RASGEF1C: variants seen among roughly 807,000 people sequenced by gnomAD.
RASGEF1C encodes the protein RasGEF domain family member 1C.
RASGEF1C carries 27 observed loss-of-function variants against 58.1 expected under a neutral mutation model. That is an observed-to-expected ratio of 0.46 (90% CI 0.34 to 0.64). RASGEF1C has a LOEUF of 0.64. Among genes scored for constraint, RASGEF1C ranks in the 30% least tolerant of loss-of-function variants. The probability of loss-of-function intolerance (pLI) is 0.01; values close to 1 mark genes in which losing one functional copy is unlikely to be tolerated. For missense variants in RASGEF1C, 502 were observed against 605.1 expected (o/e 0.83, Z 1.79); for synonymous variants, 243 against 246.3 (o/e 0.99, Z 0.13).
rs1298100838 is a variant in RASGEF1C at position 180,121,153 on chromosome 5, GAACA to G, written c.715-8_715-5del. The G allele has an allele frequency of 6.2e-7, 1 of 1,609,998 alleles. No homozygotes were observed. Among genetic ancestry groups the G allele is most frequent in the Non-Finnish European group, 8.5e-7 (1 of 1,176,402 alleles). On this transcript the variant is annotated splice_region_variant and splice_polypyrimidine_tract_variant and intron_variant, in intron 6 of 13. Transcript: ENST00000361132. ...TGGTCTTGTCACTGAAGCAGGGCTA[GAACA>G]AACACAGCACACGGGACCACGTTCT...
intron 10 of RASGEF1C, chr5:180,115,161 C>G (rs781129277): frequency 3.9e-4 from 125 of 317,594 alleles, no homozygotes; most frequent in Non-Finnish European, 6.7e-4. Context: ...ATTACAGGCA[C>G]CTGCTGCCAC....
rs142253528 is a variant in RASGEF1C at position 180,174,079 on chromosome 5, G to A, written c.-7+34949C>T. Among the ~76,000 whole-genome samples, 225 of 152,084 alleles carry A rather than the reference G, an allele frequency of 1.5e-3. 4 individuals carry two copies. In the East Asian group the frequency reaches 0.039, roughly 26 times the overall value. ...TCGGGGGCTCCTTCCGCCTGGAGAC[G>A]GTGGGCACCAGAGAAACACTCAGTG... On this transcript the variant is annotated intron_variant, in intron 1 of 13. Transcript: ENST00000361132.
intron 9 of RASGEF1C, 37 bp from the exon 10 acceptor site, chr5:180,118,741 C>T (rs1452407518): frequency 1.9e-6 from 3 of 1,613,976 alleles, no homozygotes; most frequent in Non-Finnish European, 2.5e-6. Context: ...GCAGTTCTGT[C>T]CAGGGGATGG....
chr5:180,134,725 A>C (rs1766438326), intron 4 of RASGEF1C, among the ~76,000 whole-genome samples: 1 of 139,638 alleles, frequency 7.2e-6, no homozygotes, highest in South Asian at 2.4e-4. Context: ...ATCCCCATCC[A>C]CCTGTCCCCA....
chr5:180,165,351 T>A (rs1464497038), intron 1 of RASGEF1C, among the ~76,000 whole-genome samples: 1 of 152,174 alleles, frequency 6.6e-6, no homozygotes, highest in Non-Finnish European at 1.5e-5. Flanking sequence ...TGGCAATGAT[T>A]TTCTTTTTTC....
intron 10 of RASGEF1C, chr5:180,115,359 T>C (rs1766048813): frequency 7.4e-6 from 3 of 407,680 alleles, no homozygotes; most frequent in South Asian, 1.8e-5. Context: ...CTGATCCCGA[T>C]GCACTTACTG....
At chr5:180,175,735 C>T (rs1413790378) in intron 1 of RASGEF1C, among the ~76,000 whole-genome samples, 1 of 152,158 alleles carries the variant, frequency 6.6e-6, no homozygotes, top group African/African-American at 2.4e-5. Context: ...CGCGGTGGCT[C>T]ACGCCTGTGA....
chr5:180,129,799 C>T (rs1430840594), intron 4 of RASGEF1C, among the ~76,000 whole-genome samples: 1 of 152,190 alleles, frequency 6.6e-6, no homozygotes. Flanking sequence ...GGGGTTGCAT[C>T]TCACTCTGAG....
intron 6 of RASGEF1C, among the ~76,000 whole-genome samples, chr5:180,122,673 A>G (rs1472110727): frequency 6.7e-6 from 1 of 149,908 alleles, no homozygotes; most frequent in Non-Finnish European, 1.5e-5. Context: ...CCCGGGAGGC[A>G]GAGGTTGCAG....
intron 1 of RASGEF1C, among the ~76,000 whole-genome samples, chr5:180,173,226 C>T (rs1201860729): frequency 2.6e-5 from 4 of 152,344 alleles, no homozygotes; most frequent in South Asian, 4.1e-4. Context: ...TCAGAAGAGC[C>T]AGCTACACAG....
In RASGEF1C at chr5:180,137,899, G is replaced by A. The variant is rs774080726; in HGVS notation, c.154C>T (p.Pro52Ser). 1.2e-6 allele frequency: 2 copies of A among 1,613,014 alleles called. No individual in the cohort carries two copies. Among genetic ancestry groups the A allele is most frequent in the Non-Finnish European group, 1.7e-6 (2 of 1,179,790 alleles). The part of the protein sequence containing the change: ...SLETLIQHLV[P>S]TADYYPEKAY... ...ACCTCGGGGTAGTAGTCGGCTGTGG[G>A]CACCAGGTGCTGGATCAGTGTTTCC... Residue 52 changes from proline to serine, a missense_variant, in exon 2 of 14, where the codon CCC (proline) becomes TCC (serine). Physicochemically the swap from Pro to Ser is moderately conservative, Grantham distance 74. Transcript: ENST00000361132. The surrounding 1 kb of genome is among the most constrained non-coding windows in gnomAD (Gnocchi z 4.1).
Position 180,177,426 on chromosome 5 carries a change from T to C in RASGEF1C, c.-7+31602A>G, listed in dbSNP as rs1003346770. On this transcript the variant is annotated intron_variant, in intron 1 of 13. Coordinates refer to ENST00000361132, the MANE Select transcript of RASGEF1C (RefSeq NM_175062.4). The surrounding 1 kb of genome is among the most constrained non-coding windows in gnomAD (Gnocchi z 5.0). ...CTCTTCGGTGAGTGCCTGCGCAATC[T>C]GCCCGGCTGGGCCGCAGCAGTCCAC... Among the ~76,000 whole-genome samples, 1 of 152,220 alleles carries C rather than the reference T, an allele frequency of 6.6e-6. No individual in the cohort carries two copies. The highest frequency in any genetic ancestry group is 2.4e-5 in the African/African-American group (1 of 41,464).
intron 1 of RASGEF1C, among the ~76,000 whole-genome samples, chr5:180,192,956 G>A (rs1756192987): frequency 6.6e-6 from 1 of 151,850 alleles, no homozygotes; most frequent in South Asian, 2.1e-4. Context: ...ATGTCGGCCA[G>A]GCTGGTCTTG....
At chr5:180,184,500 C>T (rs913981564) in intron 1 of RASGEF1C, among the ~76,000 whole-genome samples, 1 of 152,052 alleles carries the variant, frequency 6.6e-6, no homozygotes, top group African/African-American at 2.4e-5. Context: ...TCGCTTGAAC[C>T]CGGGAGGTGG....
In RASGEF1C at chr5:180,190,489, C is replaced by CA. The variant is rs869186264; in HGVS notation, c.-7+18538dup. 2.7e-4 allele frequency among the ~76,000 whole-genome samples: 21 copies of CA among 77,574 alleles called. 1 individual carries two copies. In the East Asian group the frequency reaches 2.9e-3, roughly 11 times the overall value. The allele number at this position is 77,574 out of a possible 152,430, so 50.9% of individuals were successfully genotyped here. A position where few individuals can be genotyped will look rare whatever the true frequency, so the allele number is the denominator to read the frequency against. On this transcript the variant is annotated intron_variant, in intron 1 of 13. Transcript: ENST00000361132. ...TGGGTGACAGAGTGAGACTCCGTCTCAAAAAAAAAAAAAAAAAAATAATAA... is the reference window on the plus strand; with the variant it reads ...TGGGTGACAGAGTGAGACTCCGTCTCAAAAAAAAAAAAAAAAAAAATAATAA...
At chr5:180,159,848 C>T (rs1766909366) in intron 1 of RASGEF1C, among the ~76,000 whole-genome samples, 1 of 152,244 alleles carries the variant, frequency 6.6e-6, no homozygotes, top group Non-Finnish European at 1.5e-5. Flanking sequence ...GCCAAGTGTT[C>T]AGCCAGCCCT....
intron 12 of RASGEF1C, among the ~76,000 whole-genome samples, chr5:180,105,552 ACT>A (rs1280533000): frequency 7.3e-6 from 1 of 137,730 alleles, no homozygotes; most frequent in African/African-American, 2.8e-5. Context: ...ACAGAGCAAG[ACT>A]CTGTCTCAAA....
In RASGEF1C at chr5:180,209,153, G is replaced by A. The variant is rs1756556793; in HGVS notation, c.-132C>T. 6.9e-6 allele frequency: 1 copy of A among 144,870 alleles called. No individual in the cohort carries two copies. Among genetic ancestry groups the A allele is most frequent in the African/African-American group, 2.5e-5 (1 of 39,792 alleles). 9.0% of individuals were successfully genotyped at this position (144,870 alleles called of 1,614,324 possible). ...GCCGCCGCCGCCGCCGCCGCCGCCC[G>A]ACCGCCCGGCTCCCAGCGCAGCCCG... is the stretch of plus-strand genomic sequence containing the variant. On this transcript the variant is annotated 5_prime_UTR_variant, in exon 1 of 14. Coordinates refer to ENST00000361132, the MANE Select transcript of RASGEF1C (RefSeq NM_175062.4).
At chr5:180,127,926 G>A (rs1395328301) in intron 5 of RASGEF1C, among the ~76,000 whole-genome samples, 1 of 152,234 alleles carries the variant, frequency 6.6e-6, no homozygotes, top group Non-Finnish European at 1.5e-5. Flanking sequence ...GAGGCGTGAC[G>A]CCCAGGGAAG....
Sources: gnomAD v4.1 joint callset for allele counts (sites outside exome capture counted in the v4.1 genomes callset) on GRCh38, gnomAD v4.1.1 for gene constraint, Gnocchi (gnomAD v3.1) non-coding constraint, MANE v1.5 for transcripts, NCBI Gene and HGNC (gene_info 2026-07-23, HGNC 2026-07-21) for gene names.